SGCZ: variants seen among roughly 807,000 people sequenced by gnomAD.
SGCZ encodes the protein sarcoglycan zeta.
A neutral mutation model predicts 41.3 loss-of-function variants in SGCZ; 40 were observed. The observed-to-expected ratio is 0.97, with a 90% CI of 0.75 to 1.26. The LOEUF is 1.26. SGCZ is among the 50% of genes most tolerant of loss of function. SGCZ has a pLI of 0.00. For missense variants in SGCZ, 552 were observed against 369.8 expected, an observed-to-expected ratio of 1.49 and a Z score of -4.04; for synonymous variants, 206 against 137.5, an observed-to-expected ratio of 1.50 and a Z score of -3.49.
chr8:14,873,396 C>T (rs1399046860), intron 1 of SGCZ, among the ~76,000 whole-genome samples: 5 of 151,926 alleles, frequency 3.3e-5, no homozygotes, highest in African/African-American at 1.2e-4. Context: ...TATAGATTGC[C>T]TCTGGATAAC....
intron 3 of SGCZ, among the ~76,000 whole-genome samples, chr8:14,300,416 G>A (rs1353640934): frequency 2.0e-5 from 3 of 151,586 alleles, no homozygotes; most frequent in African/African-American, 7.3e-5. Flanking sequence ...GGTAGGTAAA[G>A]AGAGGTAAAT....
At chr8:15,077,259 A>G (rs1011104406) in intron 1 of SGCZ, among the ~76,000 whole-genome samples, 3 of 152,228 alleles carry the variant, frequency 2.0e-5, no homozygotes, top group African/African-American at 7.2e-5. Flanking sequence ...TAAAAATATG[A>G]ATCTGACAAG....
At chr8:15,113,732 C>T (rs903802297) in intron 1 of SGCZ, among the ~76,000 whole-genome samples, 25 of 152,284 alleles carry the variant, frequency 1.6e-4, no homozygotes, top group East Asian at 9.7e-4. Flanking sequence ...CCCACCAGCT[C>T]GTTGATTCAT....
intron 1 of SGCZ, among the ~76,000 whole-genome samples, chr8:14,948,224 A>G (rs947473772): frequency 2.6e-5 from 4 of 152,182 alleles, no homozygotes; most frequent in Non-Finnish European, 2.9e-5. Flanking sequence ...TATCATAATC[A>G]ATATTGCCTA....
chr8:15,120,466 A>G (rs1217153570), intron 1 of SGCZ, among the ~76,000 whole-genome samples: 3 of 152,228 alleles, frequency 2.0e-5, no homozygotes, highest in Non-Finnish European at 4.4e-5. Flanking sequence ...AGTTTAATAC[A>G]TACCATTATC....
chr8:14,551,874 T>G (rs1274873331), intron 2 of SGCZ, among the ~76,000 whole-genome samples: 1 of 150,296 alleles, frequency 6.7e-6, no homozygotes, highest in African/African-American at 2.5e-5. Context: ...AGAATATCGC[T>G]CATAATGATG....
intron 2 of SGCZ, among the ~76,000 whole-genome samples, chr8:14,447,543 C>G (rs973324525): frequency 6.6e-6 from 1 of 152,070 alleles, no homozygotes; most frequent in Non-Finnish European, 1.5e-5. Context: ...AGGAGACACC[C>G]TCAAAAGCAT....
chr8:14,750,701 A>C (rs1247964938), intron 1 of SGCZ, among the ~76,000 whole-genome samples: 2 of 152,188 alleles, frequency 1.3e-5, no homozygotes, highest in Non-Finnish European at 1.5e-5. Context: ...TATGAACTAG[A>C]ATATTTGAAG....
intron 4 of SGCZ, among the ~76,000 whole-genome samples, chr8:14,221,746 G>A (rs1483382379): frequency 1.3e-5 from 2 of 152,092 alleles, no homozygotes; most frequent in Admixed American, 1.3e-4. Flanking sequence ...GATCAGCCTG[G>A]CCAACATGGT....
chr8:14,956,978 C>A (rs1035733751), intron 1 of SGCZ, among the ~76,000 whole-genome samples: 2 of 152,094 alleles, frequency 1.3e-5, no homozygotes. Flanking sequence ...CACACACACA[C>A]ACTCACACAT....
chr8:15,110,420 C>T (rs1382619869), intron 1 of SGCZ, among the ~76,000 whole-genome samples: 1 of 152,214 alleles, frequency 6.6e-6, no homozygotes, highest in Non-Finnish European at 1.5e-5. Flanking sequence ...GCTGACCCAG[C>T]TGAATGCTGC....
chr8:14,473,293 TTATGTA>T (rs1434815606), intron 2 of SGCZ, among the ~76,000 whole-genome samples: 1 of 152,194 alleles, frequency 6.6e-6, no homozygotes, highest in African/African-American at 2.4e-5. Context: ...CATTTCATTT[TTATGTA>T]TAAGATTATT....
chr8:14,300,386 A>T (rs1441614700), intron 3 of SGCZ, among the ~76,000 whole-genome samples: 2 of 151,284 alleles, frequency 1.3e-5, no homozygotes, highest in African/African-American at 4.8e-5. Flanking sequence ...GAGGAAGGGA[A>T]TGAGGAAGGG....
chr8:15,217,339 C>T (rs1354080900), intron 1 of SGCZ, among the ~76,000 whole-genome samples: 1 of 150,862 alleles, frequency 6.6e-6, no homozygotes, highest in African/African-American at 2.4e-5. Context: ...ATGGCGTGAA[C>T]CCGGGAGGCG....
intron 1 of SGCZ, among the ~76,000 whole-genome samples, chr8:15,162,980 T>C (rs922482454): frequency 3.3e-5 from 5 of 152,214 alleles, no homozygotes; most frequent in Non-Finnish European, 5.9e-5. Context: ...GCATAAAATG[T>C]CTTGTGTCTT....
intron 1 of SGCZ, among the ~76,000 whole-genome samples, chr8:14,970,133 T>C (rs1801243095): frequency 6.6e-6 from 1 of 152,146 alleles, no homozygotes; most frequent in African/African-American, 2.4e-5. Flanking sequence ...CTTTCTCTAA[T>C]AACTAATGAT....
chr8:14,676,420 G>A (rs1808281452), intron 1 of SGCZ, among the ~76,000 whole-genome samples: 1 of 151,908 alleles, frequency 6.6e-6, no homozygotes. Context: ...TTGGGAGGCT[G>A]AGACAGGAGG....
chr8:14,946,259 C>A (rs569955742), intron 1 of SGCZ, among the ~76,000 whole-genome samples: 4 of 150,612 alleles, frequency 2.7e-5, no homozygotes, highest in African/African-American at 4.9e-5. Context: ...TCAAGCAGAG[C>A]GTAGACTCTA....
chr8:14,296,109 C>G (rs1400474153), intron 3 of SGCZ, among the ~76,000 whole-genome samples: 1 of 152,112 alleles, frequency 6.6e-6, no homozygotes, highest in East Asian at 1.9e-4. Flanking sequence ...TAAGGCTACA[C>G]TAGTTGTAGG....
Sources: allele counts gnomAD v4.1 joint callset (sites outside exome capture counted in the v4.1 genomes callset), GRCh38; gene constraint gnomAD v4.1.1; transcripts MANE v1.5; gene names NCBI Gene and HGNC (gene_info 2026-07-23, HGNC 2026-07-21).